The following UBE2E2 variants were observed in gnomAD, a reference collection of about 807,000 sequenced individuals.
UBE2E2 encodes the protein ubiquitin-conjugating enzyme E2 E2.
Under a neutral mutation model 24.7 loss-of-function variants are expected in UBE2E2, and 6 were observed. That is an observed-to-expected ratio of 0.24 (90% confidence interval 0.13 to 0.48). The LOEUF (loss-of-function observed/expected upper bound fraction) is 0.48, where lower values mean the gene tolerates loss of function less well. UBE2E2 is among the 20% of genes least tolerant of loss of function. The pLI is 0.99. For synonymous variants in UBE2E2, 104 were observed against 83.6 expected (o/e 1.24, Z -1.33); for missense variants, 169 against 245.0 (o/e 0.69, Z 2.07).
chr3:23,353,586 C>G (rs984032900), intron 3 of UBE2E2, among the ~76,000 whole-genome samples: 7 of 152,114 alleles, frequency 4.6e-5, no homozygotes, highest in South Asian at 2.1e-4. Context: ...TTCTTATACA[C>G]CAATAGCAGA....
At position 23,375,077 on chromosome 3, in the gene UBE2E2, A is replaced by T. The variant is rs1011817011; in HGVS notation, c.228-124531A>T. Among the ~76,000 whole-genome samples, 12 of 152,126 alleles carry T rather than the reference A, an allele frequency of 7.9e-5. 2 individuals are homozygous for T. Among genetic ancestry groups the T allele is most frequent in the Admixed American group, 2.0e-4 (3 of 15,286 alleles). Reference sequence around the variant, plus strand: ...TTTATTCGTATTTACATATCATGAGATATAAAAAAAAAATCAGAGAATGTG... The same window carrying T: ...TTTATTCGTATTTACATATCATGAGTTATAAAAAAAAAATCAGAGAATGTG... On this transcript the variant is annotated intron_variant, in intron 3 of 5. Coordinates refer to ENST00000396703, the MANE Select transcript of UBE2E2 (RefSeq NM_152653.4).
chr3:23,514,838 A>C (rs1694693289), intron 4 of UBE2E2, among the ~76,000 whole-genome samples: 1 of 152,174 alleles, frequency 6.6e-6, no homozygotes, highest in Admixed American at 6.5e-5. Context: ...CCGAGAATGT[A>C]ATAAAAGTAT....
intron 3 of UBE2E2, among the ~76,000 whole-genome samples, chr3:23,246,237 T>TTTTTTTCC (rs1553634256): frequency 5.0e-5 from 7 of 139,392 alleles, no homozygotes; most frequent in South Asian, 2.4e-4. Context: ...TTTTTTTTTT[T>TTTTTTTCC]CGAGATGGAG....
chr3:23,422,476 T>C (rs1023069160), intron 3 of UBE2E2, among the ~76,000 whole-genome samples: 1 of 152,208 alleles, frequency 6.6e-6, no homozygotes. Context: ...TCCATGTTTC[T>C]TTATGAAAAT....
intron 3 of UBE2E2, among the ~76,000 whole-genome samples, chr3:23,412,032 A>T (rs1018390917): frequency 3.9e-5 from 6 of 152,142 alleles, no homozygotes; most frequent in Non-Finnish European, 8.8e-5. Flanking sequence ...CTGCTCTGAT[A>T]ATTAAGATTC....
chr3:23,340,895 T>G (rs1466505699), intron 3 of UBE2E2, among the ~76,000 whole-genome samples: 1 of 152,196 alleles, frequency 6.6e-6, no homozygotes, highest in Non-Finnish European at 1.5e-5. Context: ...TCTGTTGTGT[T>G]TCCTCAATTC....
At chr3:23,394,253 G>T (rs1397582394) in intron 3 of UBE2E2, among the ~76,000 whole-genome samples, 1 of 152,158 alleles carries the variant, frequency 6.6e-6, no homozygotes, top group Non-Finnish European at 1.5e-5. Context: ...GTTTTGGAGA[G>T]AGAGTTTTTA....
chr3:23,472,792 A>G (rs1352825878), intron 3 of UBE2E2, among the ~76,000 whole-genome samples: 1 of 151,532 alleles, frequency 6.6e-6, no homozygotes, highest in Non-Finnish European at 1.5e-5. Flanking sequence ...CCACAGGCGC[A>G]CATGCTACCA....
chr3:23,345,128 G>GTGATGACTTTGAAT (rs1559355192), intron 3 of UBE2E2, among the ~76,000 whole-genome samples: 1 of 152,130 alleles, frequency 6.6e-6, no homozygotes, highest in Admixed American at 6.6e-5. Context: ...GAGATCAATT[G>GTGATGACTTTGAAT]TGATGACTTT....
intron 5 of UBE2E2, among the ~76,000 whole-genome samples, chr3:23,582,361 G>A (rs71322202): frequency 0.064 from 9,703 of 152,138 alleles, 472 homozygotes; most frequent in Non-Finnish European, 0.087. Context: ...ATAGGGCCAT[G>A]GTGAACATAC....
chr3:23,503,085 G>A (rs1677748590), intron 4 of UBE2E2, among the ~76,000 whole-genome samples: 2 of 151,778 alleles, frequency 1.3e-5, no homozygotes, highest in South Asian at 2.1e-4. Flanking sequence ...ATTTTTCAGT[G>A]TAGACATATG....
intron 3 of UBE2E2, among the ~76,000 whole-genome samples, chr3:23,444,934 A>G (rs540497365): frequency 1.2e-4 from 19 of 152,274 alleles, no homozygotes; most frequent in African/African-American, 3.8e-4. Context: ...AACTAAATCC[A>G]TGTTCAGATT....
chr3:23,562,205 T>C (rs1462706615), intron 5 of UBE2E2, among the ~76,000 whole-genome samples: 1 of 152,082 alleles, frequency 6.6e-6, no homozygotes, highest in Non-Finnish European at 1.5e-5. Context: ...GGCTGTGGGT[T>C]TGTCATAGAT....
intron 3 of UBE2E2, among the ~76,000 whole-genome samples, chr3:23,471,310 G>T (rs1022716562): frequency 6.6e-6 from 1 of 152,132 alleles, no homozygotes; most frequent in Non-Finnish European, 1.5e-5. Flanking sequence ...GAGCAAGTAG[G>T]ATATCAAAAC....
At chr3:23,243,744 A>G (rs1216785329) in intron 3 of UBE2E2, among the ~76,000 whole-genome samples, 2 of 107,548 alleles carry the variant, frequency 1.9e-5, no homozygotes, top group Non-Finnish European at 4.1e-5. Flanking sequence ...TACAAATAGT[A>G]TTTCTTTTTT....
intron 3 of UBE2E2, among the ~76,000 whole-genome samples, chr3:23,349,166 T>A (rs1451921031): frequency 1.3e-5 from 2 of 152,030 alleles, no homozygotes; most frequent in East Asian, 1.9e-4. Flanking sequence ...GTGGATGAAG[T>A]CAAAGCAAAA....
chr3:23,364,838 A>G (rs1257674290), intron 3 of UBE2E2, among the ~76,000 whole-genome samples: 2 of 152,208 alleles, frequency 1.3e-5, no homozygotes, highest in Non-Finnish European at 2.9e-5. Flanking sequence ...TCTTAGGCCA[A>G]TATTCCTGAT....
chr3:23,547,277 C>G (rs1695546799), intron 5 of UBE2E2, among the ~76,000 whole-genome samples: 1 of 152,184 alleles, frequency 6.6e-6, no homozygotes, highest in African/African-American at 2.4e-5. Context: ...GGTCTCCACA[C>G]TAACAGAAAG....
chr3:23,355,856 G>A (rs577419937), intron 3 of UBE2E2, among the ~76,000 whole-genome samples: 1 of 152,320 alleles, frequency 6.6e-6, no homozygotes, highest in South Asian at 2.1e-4. Context: ...AGTCTATGCA[G>A]TTCGTACATA....
Sources: gnomAD v4.1 joint callset for allele counts (sites outside exome capture counted in the v4.1 genomes callset) on GRCh38, gnomAD v4.1.1 for gene constraint, MANE v1.5 for transcripts, NCBI Gene and HGNC (gene_info 2026-07-23, HGNC 2026-07-21) for gene names.